The following CWF19L2 variants were observed in gnomAD, a reference collection of about 807,000 sequenced individuals.
The protein encoded by CWF19L2 is CWF19-like protein 2.
Under a neutral mutation model 111.7 loss-of-function variants are expected in CWF19L2, and 98 were observed. That is an observed-to-expected ratio of 0.88 (90% CI 0.75 to 1.04). CWF19L2 has a LOEUF of 1.04. CWF19L2 is among the 50% of genes least tolerant of loss of function. The probability of loss-of-function intolerance (pLI) is 0.00; values close to 1 mark genes in which losing one functional copy is unlikely to be tolerated. For synonymous variants in CWF19L2, 351 were observed against 342.9 expected, an observed-to-expected ratio of 1.02 and a Z score of -0.26; for missense variants, 1,101 against 1,051.4, an observed-to-expected ratio of 1.05 and a Z score of -0.65.
chr11:107,443,413 G>A (rs1358790663), intron 3 of CWF19L2, among the ~76,000 whole-genome samples: 1 of 151,950 alleles, frequency 6.6e-6, no homozygotes, highest in Non-Finnish European at 1.5e-5. Context: ...TACCCAGGAG[G>A]CAGAGGTTGC....
Position 107,398,662 on chromosome 11 carries a change from C to A in CWF19L2, c.1618-5767G>T, listed in dbSNP as rs1860957600. Among the ~76,000 whole-genome samples, 3 of 152,116 alleles carry A rather than the reference C, an allele frequency of 2.0e-5. No homozygotes were observed. The South Asian group carries it at 6.2e-4, about 31-fold the overall frequency. ...CAGCCTTGTGAGAGACGTAGACAGCCAAATACAAGAAGCACAAAGAATACC... is the reference window on the plus strand; with the variant it reads ...CAGCCTTGTGAGAGACGTAGACAGCAAAATACAAGAAGCACAAAGAATACC... On this transcript the variant is annotated intron_variant, in intron 10 of 17. Coordinates refer to ENST00000282251, the MANE Select transcript of CWF19L2 (RefSeq NM_152434.3).
intron 8 of CWF19L2, among the ~76,000 whole-genome samples, chr11:107,425,268 T>C (rs759463201): frequency 1.3e-5 from 2 of 150,192 alleles, no homozygotes; most frequent in Non-Finnish European, 1.5e-5. Context: ...TCTAGCCCAG[T>C]AACATTTTTA....
chr11:107,329,989 CCA>C lies in CWF19L2; in HGVS notation c.2468_2469del (p.Val823GlyfsTer13). ...GCAAACCCTCCGTGAAGGCCAAAAT[CCA>C]CAGAGAAGTAAGGTAACCCTCTGGG... ...SVPRGLPYFS[V>X]DFGLHGGFAH... On this transcript the variant is annotated frameshift_variant, in exon 17 of 18. Transcript: ENST00000282251. LOFTEE classifies it high-confidence loss of function. 1 of 1,586,098 alleles carries C rather than the reference CCA, an allele frequency of 6.3e-7. No homozygotes were observed. The highest frequency in any genetic ancestry group is 1.2e-5 in the South Asian group (1 of 86,232).
intron 8 of CWF19L2, among the ~76,000 whole-genome samples, chr11:107,427,207 C>G (rs754625045): frequency 7.6e-6 from 1 of 130,820 alleles, no homozygotes; most frequent in Non-Finnish European, 1.6e-5. Context: ...TTTACAACCA[C>G]TCTACATTCT....
rs371526347 is a variant in CWF19L2, at chr11:107,404,470, C to T, written c.1618-11575G>A. The T allele has an allele frequency of 1.1e-4, 84 of 766,676 alleles. No individual in the cohort carries two copies. The African/African-American group carries it at 1.2e-3, about 11-fold the overall frequency. 47.5% of individuals were successfully genotyped at this position (766,676 alleles called of 1,614,324 possible). The stretch of plus-strand genomic sequence containing the variant: ...TGTTGGCACCCGGGTTCCCTCCCAG[C>T]CCTTAGTTGTTGTAGGCGAGATGAC... On this transcript the variant is annotated intron_variant, in intron 10 of 17. Transcript: ENST00000282251.
At chr11:107,331,719 G>C (rs973264442) in intron 16 of CWF19L2, among the ~76,000 whole-genome samples, 1 of 152,200 alleles carries the variant, frequency 6.6e-6, no homozygotes, top group East Asian at 1.9e-4. Context: ...GCAGCAATAG[G>C]AAACCAATAT....
At chr11:107,384,952 AT>A (rs1860743628) in intron 12 of CWF19L2, among the ~76,000 whole-genome samples, 1 of 152,228 alleles carries the variant, frequency 6.6e-6, no homozygotes, top group African/African-American at 2.4e-5. Flanking sequence ...TCATGAAACT[AT>A]TTGACATAAC....
rs569362203 is a variant in CWF19L2 at position 107,443,712 on chromosome 11, C to T, written c.340-663G>A. Among the ~76,000 whole-genome samples the T allele has an allele frequency of 8.5e-4, 130 of 152,278 alleles. 1 individual carries two copies. The highest frequency in any genetic ancestry group is 3.1e-3 in the African/African-American group (128 of 41,536). ...CTGCTTCACTAGAACAGGGGAAACA[C>T]CACCCAGGTAAACGAATTTGCTGTT... On this transcript the variant is annotated intron_variant, in intron 3 of 17. Coordinates refer to ENST00000282251, the MANE Select transcript of CWF19L2 (RefSeq NM_152434.3).
At chr11:107,327,595 A>C (rs1859779860) in intron 17 of CWF19L2, among the ~76,000 whole-genome samples, 1 of 152,168 alleles carries the variant, frequency 6.6e-6, no homozygotes, top group Non-Finnish European at 1.5e-5. Flanking sequence ...ATTATATATC[A>C]CTTTCATTTA....
chr11:107,360,071 T>C (rs1471217198), intron 12 of CWF19L2, among the ~76,000 whole-genome samples: 1 of 152,216 alleles, frequency 6.6e-6, no homozygotes, highest in East Asian at 1.9e-4. Flanking sequence ...ATAATGTACA[T>C]TGCATCCATT....
chr11:107,410,006 G>A (rs1369110846), intron 10 of CWF19L2, among the ~76,000 whole-genome samples: 1 of 152,070 alleles, frequency 6.6e-6, no homozygotes. Context: ...AGAGGGATAA[G>A]GAAACTAATA....
intron 12 of CWF19L2, among the ~76,000 whole-genome samples, chr11:107,381,453 C>A (rs896699880): frequency 2.6e-5 from 4 of 152,100 alleles, no homozygotes; most frequent in African/African-American, 9.7e-5. Context: ...TTATTCGGTT[C>A]TACAAAAAGG....
intron 12 of CWF19L2, among the ~76,000 whole-genome samples, chr11:107,354,517 T>C (rs945596460): frequency 6.6e-6 from 1 of 152,188 alleles, no homozygotes; most frequent in Non-Finnish European, 1.5e-5. Flanking sequence ...AGATTTCCAA[T>C]TTTTTCCAAT....
chr11:107,445,923 A>G (rs560234174), intron 3 of CWF19L2, among the ~76,000 whole-genome samples: 2 of 152,180 alleles, frequency 1.3e-5, no homozygotes, highest in African/African-American at 4.8e-5. Context: ...AGATGTAAAC[A>G]AAAGTATTTT....
intron 12 of CWF19L2, among the ~76,000 whole-genome samples, chr11:107,362,476 T>A (rs1301378648): frequency 6.6e-6 from 1 of 152,128 alleles, no homozygotes; most frequent in East Asian, 1.9e-4. Flanking sequence ...GCTGGAGATC[T>A]GAATACGGGC....
At chr11:107,444,947 C>CAA in intron 3 of CWF19L2, among the ~76,000 whole-genome samples, 1 of 152,292 alleles carries the variant, frequency 6.6e-6, no homozygotes, top group East Asian at 1.9e-4. Flanking sequence ...GGTACCTGAC[C>CAA]CAATTCACAT....
chr11:107,437,249 T>C (rs886711754), intron 6 of CWF19L2, among the ~76,000 whole-genome samples: 2 of 152,184 alleles, frequency 1.3e-5, no homozygotes, highest in African/African-American at 2.4e-5. Context: ...GGTAATATCA[T>C]TATTCCCTAT....
At chr11:107,333,091 A>AG (rs1859873689) in intron 16 of CWF19L2, among the ~76,000 whole-genome samples, 1 of 150,196 alleles carries the variant, frequency 6.7e-6, no homozygotes, top group Non-Finnish European at 1.5e-5. Context: ...CTCTGTCTAA[A>AG]AAAAAAAAAA....
intron 12 of CWF19L2, among the ~76,000 whole-genome samples, chr11:107,365,190 C>A (rs1449617787): frequency 6.7e-6 from 1 of 149,244 alleles, no homozygotes; most frequent in Non-Finnish European, 1.5e-5. Context: ...CAATAGCTTA[C>A]CAATGAAAAA....
Sources: allele counts gnomAD v4.1 joint callset (sites outside exome capture counted in the v4.1 genomes callset), GRCh38; gene constraint gnomAD v4.1.1; transcripts MANE v1.5; gene names NCBI Gene and HGNC (gene_info 2026-07-23, HGNC 2026-07-21).